Variants in SNX14 observed in about 807,000 individuals in gnomAD.
The protein encoded by SNX14 is sorting nexin-14.
SNX14 carries 93 observed loss-of-function variants against 133.8 expected under a neutral mutation model. That is an observed-to-expected ratio of 0.70 (90% CI 0.59 to 0.83). The LOEUF (loss-of-function observed/expected upper bound fraction) is 0.83, where lower values mean the gene tolerates loss of function less well. SNX14 is among the 40% of genes least tolerant of loss of function. SNX14 has a pLI of 0.00. For synonymous variants in SNX14, 368 were observed against 365.6 expected (o/e 1.01, Z -0.07); for missense variants, 945 against 1,094.9 (o/e 0.86, Z 1.93).
intron 14 of SNX14, among the ~76,000 whole-genome samples, chr6:85,542,646 G>A (rs966150743): frequency 8.5e-5 from 13 of 152,124 alleles, no homozygotes; most frequent in African/African-American, 2.7e-4. Context: ...CGCCCGCCTC[G>A]GCCTCCCAAA....
chr6:85,571,742 C>T lies in SNX14; in HGVS notation c.417+395G>A, dbSNP rs114082597. 7.8e-3 allele frequency among the ~76,000 whole-genome samples: 1,186 copies of T among 152,290 alleles called. 12 individuals are homozygous for T. The highest frequency in any genetic ancestry group is 0.027 in the African/African-American group (1,112 of 41,552). On this transcript the variant is annotated intron_variant, in intron 4 of 28. Transcript: ENST00000314673. ...TATGCAGAAATACTGAAAAATATCC[C>T]ATTCCCTACTCTACCCTTCAGTTAG...
chr6:85,566,519 G>C (rs764382215), intron 5 of SNX14, among the ~76,000 whole-genome samples: 2 of 151,956 alleles, frequency 1.3e-5, no homozygotes, highest in Non-Finnish European at 2.9e-5. Flanking sequence ...CCAACATGGG[G>C]AAACCCCATC....
At chr6:85,542,173 G>T in intron 14 of SNX14, 130 bp from the exon 15 acceptor site, 1 of 537,656 alleles carries the variant, frequency 1.9e-6, no homozygotes, top group Admixed American at 3.8e-5. Context: ...ATACAGACAT[G>T]GTCAACTAGG....
chr6:85,589,983 G>A (rs1365017952), intron 1 of SNX14, among the ~76,000 whole-genome samples: 1 of 152,148 alleles, frequency 6.6e-6, no homozygotes, highest in Non-Finnish European at 1.5e-5. Flanking sequence ...TTATGTCTGG[G>A]GACAAGTAGA....
intron 26 of SNX14, among the ~76,000 whole-genome samples, chr6:85,511,308 A>G (rs1309478833): frequency 1.3e-5 from 2 of 152,144 alleles, no homozygotes; most frequent in East Asian, 3.9e-4. Context: ...TTCCAGGAGC[A>G]TTTTTGTCAA....
In SNX14 at chr6:85,514,555, A is replaced by T; in HGVS notation, c.2343T>A (p.Phe781Leu). ...CTCCTTCTACAGTCATCACCTCCAT[A>T]AAATAATTCTGATTTTGCTTTCTCT... ...NTERKQNQNY[F>L]MEVMTVEGVY... Residue 781 changes from phenylalanine (F) to leucine (L), a missense_variant, in exon 24 of 29, where the codon TTT (phenylalanine) becomes TTA (leucine). Physicochemically the swap from Phe to Leu is conservative, Grantham distance 22. This residue lies in a region of SNX14 where 412 missense variants were observed against 516.6 expected (regional missense o/e 0.80). Transcript: ENST00000314673. 6.2e-7 allele frequency: 1 copy of T among 1,613,496 alleles called. No individual in the cohort carries two copies. The highest frequency in any genetic ancestry group is 8.5e-7 in the Non-Finnish European group (1 of 1,179,734).
chr6:85,535,458 C>A lies in SNX14; in HGVS notation c.1608+1334G>T, dbSNP rs564099986. 1.2e-3 allele frequency among the ~76,000 whole-genome samples: 186 copies of A among 151,630 alleles called. 1 individual carries two copies. Among genetic ancestry groups the A allele is most frequent in the African/African-American group, 4.2e-3 (173 of 41,386 alleles). ...GAAACCCCATCCTTACCAAAAAAAACCACAAAAATTAGCTGGGCATGGTGG... is the reference window on the plus strand; with the variant it reads ...GAAACCCCATCCTTACCAAAAAAAAACACAAAAATTAGCTGGGCATGGTGG... On this transcript the variant is annotated intron_variant, in intron 17 of 28. Transcript: ENST00000314673.
chr6:85,574,133 A>T, intron 2 of SNX14, 125 bp downstream of exon 2: 22 of 632,754 alleles, frequency 3.5e-5, no homozygotes, highest in Non-Finnish European at 4.7e-5. Context: ...AAAAAAAAAG[A>T]GAAGAAATTG....
chr6:85,528,227 A>G, intron 20 of SNX14, 35 bp downstream of exon 20: 1 of 1,451,686 alleles, frequency 6.9e-7, no homozygotes, highest in Non-Finnish European at 9.6e-7. Flanking sequence ...TGCTATGATT[A>G]GCAACATTTG....
In SNX14 at chr6:85,574,293, G is replaced by GT. The variant is rs1562380673; in HGVS notation, c.225dup (p.Pro76ThrfsTer25). ...TATTTTATTGTGAAGAATATATTTG[G>GT]TAAGAGAGAATCAGGTCCTAGTGAG... On this transcript the variant is annotated frameshift_variant, in exon 2 of 29. Coordinates refer to ENST00000314673, the MANE Select transcript of SNX14 (RefSeq NM_153816.6). LOFTEE classifies it high-confidence loss of function. The GT allele has an allele frequency of 6.3e-7, 1 of 1,594,210 alleles. No individual in the cohort carries two copies. Among genetic ancestry groups the GT allele is most frequent in the Middle Eastern group, 1.7e-4 (1 of 5,994 alleles).
rs577704233 is a variant in SNX14, at chr6:85,547,211, A to G, written c.1009T>C (p.Leu337=). ...TCTTGTTGCTCTCTGATTTGCTTCA[A>G]TTCTAACTTCAGCACCTTGATATAA... ...NKKPSVLKLE[L]KQIREQQDLL... The change falls in exon 12 of 29, where the codon TTG becomes CTG. Residue 337 remains leucine, a synonymous_variant. Transcript: ENST00000314673. 2.3e-4 allele frequency: 366 copies of G among 1,614,048 alleles called. 11 individuals are homozygous for G. In the South Asian group the frequency reaches 2.6e-3, roughly 12 times the overall value.
chr6:85,527,744 G>A (rs1778957120), intron 20 of SNX14, among the ~76,000 whole-genome samples: 1 of 151,976 alleles, frequency 6.6e-6, no homozygotes, highest in African/African-American at 2.4e-5. Flanking sequence ...TGCACACACT[G>A]AGAAAAATGG....
In SNX14 at chr6:85,582,523, T is replaced by C. The variant is rs555466439; in HGVS notation, c.141-8145A>G. ...TTTTTTTTTGAAAAGATTAGCAAAATAGACCACTAGCCAGACTAATAAAGA... is the reference window on the plus strand; with the variant it reads ...TTTTTTTTTGAAAAGATTAGCAAAACAGACCACTAGCCAGACTAATAAAGA... On this transcript the variant is annotated intron_variant, in intron 1 of 28. Coordinates refer to ENST00000314673, the MANE Select transcript of SNX14 (RefSeq NM_153816.6). 1.2e-4 allele frequency among the ~76,000 whole-genome samples: 18 copies of C among 147,890 alleles called. No homozygotes were observed. The South Asian group carries it at 3.0e-3, about 24-fold the overall frequency.
At chr6:85,556,732 C>T (rs979451229) in intron 7 of SNX14, among the ~76,000 whole-genome samples, 9 of 152,054 alleles carry the variant, frequency 5.9e-5, no homozygotes, top group Non-Finnish European at 1.2e-4. Flanking sequence ...GGATTACAGG[C>T]ATGAGCCACC....
intron 12 of SNX14, 65 bp from the exon 13 acceptor site, chr6:85,543,825 G>A: frequency 9.7e-7 from 1 of 1,027,844 alleles, no homozygotes; most frequent in South Asian, 2.9e-5. Context: ...AAAAGCTTCA[G>A]TCCCATTCTA....
chr6:85,561,621 G>T (rs1236851449), intron 6 of SNX14, among the ~76,000 whole-genome samples: 2 of 151,900 alleles, frequency 1.3e-5, no homozygotes, highest in Admixed American at 6.6e-5. Flanking sequence ...AAAGCTACAT[G>T]CAATAGAAAA....
At position 85,563,772 on chromosome 6, in the gene SNX14, CT is replaced by C. The variant is rs533938737; in HGVS notation, c.549+1559del. Among the ~76,000 whole-genome samples, 271 of 152,154 alleles carry C rather than the reference CT, an allele frequency of 1.8e-3. 4 individuals carry two copies. Among genetic ancestry groups the C allele is most frequent in the African/African-American group, 6.4e-3 (266 of 41,522 alleles). ...CATCTAACTGGAACATGACTTTTTT[CT>C]TTTTTATTATTATTATACTTAAAGT... On this transcript the variant is annotated intron_variant, in intron 6 of 28. Coordinates refer to ENST00000314673, the MANE Select transcript of SNX14 (RefSeq NM_153816.6).
chr6:85,547,550 C>T lies in SNX14; in HGVS notation c.868G>A (p.Asp290Asn). ...LPSLDFLADP[D>N]TVNHLLIIFI... ...ATGATAAGCAAATGATTCACAGTAT[C>T]CTAGTGGAAAATAATAAACATAAGT... Residue 290 changes from aspartate (D) to asparagine (N), a missense_variant and splice_region_variant, in exon 10 of 29, where the codon GAT (aspartate) becomes AAT (asparagine). Asp to Asn is a conservative substitution (Grantham distance 23). Coordinates refer to ENST00000314673, the MANE Select transcript of SNX14 (RefSeq NM_153816.6). 6.3e-7 allele frequency: 1 copy of T among 1,596,006 alleles called. No homozygotes were observed. Among genetic ancestry groups the T allele is most frequent in the South Asian group, 1.1e-5 (1 of 87,214 alleles).
rs77685298 is a variant in SNX14 at position 85,524,261 on chromosome 6, C to G, written c.2107+1865G>C. Among the ~76,000 whole-genome samples the G allele has an allele frequency of 5.1e-3, 771 of 152,180 alleles. 6 individuals carry two copies. The highest frequency in any genetic ancestry group is 0.037 in the Middle Eastern group (11 of 294). On this transcript the variant is annotated intron_variant, in intron 21 of 28. Coordinates refer to ENST00000314673, the MANE Select transcript of SNX14 (RefSeq NM_153816.6). ...TAGGTAAAGATTAAAATAATAGGTT[C>G]TGTGGAGACTGGCAAGAGGAAAATT...
Sources: gnomAD v4.1 joint callset for allele counts (sites outside exome capture counted in the v4.1 genomes callset) on GRCh38, gnomAD v4.1.1 for gene constraint, gnomAD v4.1.1 regional missense constraint, MANE v1.5 for transcripts, NCBI Gene and HGNC (gene_info 2026-07-23, HGNC 2026-07-21) for gene names.